Variants in GABRA3 observed in about 807,000 individuals in gnomAD.
GABRA3 encodes gamma-aminobutyric acid receptor subunit alpha-3.
In GABRA3, 10 loss-of-function variants were observed where a neutral mutation model predicts 30.1. The ratio of observed to expected loss-of-function variants is 0.33; its 90% CI spans 0.20 to 0.56. GABRA3 has a LOEUF of 0.56. Ranked by LOEUF, GABRA3 falls within the 20% of genes least tolerant of loss-of-function variation. GABRA3 has a pLI of 0.89. For synonymous variants in GABRA3, 151 were observed against 146.8 expected, an observed-to-expected ratio of 1.03 and a Z score of -0.21; for missense variants, 233 against 392.0, an observed-to-expected ratio of 0.59 and a Z score of 3.42.
At chrX:152,384,072 A>G (rs367867379) in intron 1 of GABRA3, among the ~76,000 whole-genome samples, 24 of 110,865 alleles carry the variant, frequency 2.2e-4, no homozygotes, top group African/African-American at 7.8e-4. Flanking sequence ...GAGCCTTTCT[A>G]CATACTATGA....
chrX:152,301,225 A>G (rs1008461734), intron 3 of GABRA3, among the ~76,000 whole-genome samples: 47 of 112,229 alleles, frequency 4.2e-4, no homozygotes, highest in Middle Eastern at 4.7e-3. Context: ...ACAAGTTTAA[A>G]GAAAACAACC....
chrX:152,318,518 A>G (rs943178365), intron 3 of GABRA3, among the ~76,000 whole-genome samples: 1 of 111,297 alleles, frequency 9.0e-6, no homozygotes, highest in Non-Finnish European at 1.9e-5. Context: ...AGAGGACATA[A>G]CAAAAAAAGA....
intron 4 of GABRA3, among the ~76,000 whole-genome samples, chrX:152,259,674 C>T (rs923959882): frequency 7.2e-5 from 8 of 110,562 alleles, no homozygotes; most frequent in African/African-American, 9.9e-5. Flanking sequence ...GAACGAACCC[C>T]GGCAGGATTT....
intron 7 of GABRA3, among the ~76,000 whole-genome samples, chrX:152,207,710 C>G (rs1000679361): frequency 5.4e-5 from 6 of 111,839 alleles, no homozygotes; most frequent in Non-Finnish European, 9.4e-5. Context: ...TTCTCATACT[C>G]TAGCCCTAAT....
At chrX:152,221,079 T>A (rs1443117273) in intron 6 of GABRA3, among the ~76,000 whole-genome samples, 1 of 111,556 alleles carries the variant, frequency 9.0e-6, no homozygotes, top group Non-Finnish European at 1.9e-5. Flanking sequence ...GATCTTCTAA[T>A]AAAGAAAATT....
At chrX:152,279,472 C>G (rs1446417973) in intron 4 of GABRA3, among the ~76,000 whole-genome samples, 2 of 111,459 alleles carry the variant, frequency 1.8e-5, no homozygotes, top group African/African-American at 6.5e-5. Flanking sequence ...TGGTCTATAT[C>G]TCTGTTTTGG....
chrX:152,282,494 G>A (rs1476050218), intron 4 of GABRA3, among the ~76,000 whole-genome samples: 1 of 112,127 alleles, frequency 8.9e-6, no homozygotes, highest in East Asian at 2.8e-4. Flanking sequence ...CCTTGTGACT[G>A]GATGGACATG....
At chrX:152,314,728 G>T (rs1465403846) in intron 3 of GABRA3, among the ~76,000 whole-genome samples, 1 of 111,985 alleles carries the variant, frequency 8.9e-6, no homozygotes, top group Non-Finnish European at 1.9e-5. Flanking sequence ...CGTCAGAGAG[G>T]CATTCTCTCT....
At position 152,323,405 on chromosome X, in the gene GABRA3, A is replaced by C. The variant is rs73623077; in HGVS notation, c.262+22176T>G. The stretch of plus-strand genomic sequence containing the variant: ...CAATGTTCTATTCCTTGAACGGGAA[A>C]GTTTCCTCTCTGCTATGACCCTGAG... On this transcript the variant is annotated intron_variant, in intron 3 of 9. Coordinates refer to ENST00000370314, the MANE Select transcript of GABRA3 (RefSeq NM_000808.4). Among the ~76,000 whole-genome samples the C allele has an allele frequency of 7.9e-3, 879 of 111,645 alleles. 11 individuals carry two copies. Among genetic ancestry groups the C allele is most frequent in the African/African-American group, 0.028 (844 of 30,689 alleles).
chrX:152,275,928 A>T (rs2049085098), intron 4 of GABRA3, among the ~76,000 whole-genome samples: 2 of 110,049 alleles, frequency 1.8e-5, no homozygotes, highest in South Asian at 7.5e-4. Flanking sequence ...CCTAACTAAA[A>T]CATGTATAAA....
chrX:152,298,948 TA>T (rs1383646546), intron 3 of GABRA3, among the ~76,000 whole-genome samples: 1 of 111,769 alleles, frequency 8.9e-6, no homozygotes, highest in Admixed American at 9.5e-5. Context: ...TTGATTTTGT[TA>T]TGACTTCAAT....
At chrX:152,326,555 T>G (rs1240570058) in intron 3 of GABRA3, among the ~76,000 whole-genome samples, 1 of 111,862 alleles carries the variant, frequency 8.9e-6, no homozygotes, top group African/African-American at 3.3e-5. Flanking sequence ...ATATTCAACA[T>G]TCTTAAAGAA....
chrX:152,301,064 C>G (rs995797206), intron 3 of GABRA3, among the ~76,000 whole-genome samples: 1 of 111,693 alleles, frequency 9.0e-6, no homozygotes, highest in Non-Finnish European at 1.9e-5. Flanking sequence ...AGAATCATGC[C>G]TAGACATATC....
chrX:152,412,855 G>C (rs1167884942), intron 1 of GABRA3, among the ~76,000 whole-genome samples: 2 of 110,832 alleles, frequency 1.8e-5, no homozygotes, highest in Non-Finnish European at 3.8e-5. Flanking sequence ...GTTTAAAAAA[G>C]AATAATAATA....
chrX:152,369,616 T>C (rs1016255105), intron 1 of GABRA3, among the ~76,000 whole-genome samples: 9 of 111,433 alleles, frequency 8.1e-5, no homozygotes, highest in Non-Finnish European at 1.3e-4. Context: ...CATAGTGTTA[T>C]TAAAATATCA....
At chrX:152,442,416 A>T (rs1051381824) in intron 1 of GABRA3, among the ~76,000 whole-genome samples, 8 of 111,243 alleles carry the variant, frequency 7.2e-5, no homozygotes, top group Non-Finnish European at 1.1e-4. Context: ...AATAACTTGT[A>T]AACTATACAT....
chrX:152,185,440 T>C (rs930461977), intron 9 of GABRA3, among the ~76,000 whole-genome samples: 9 of 111,736 alleles, frequency 8.1e-5, no homozygotes, highest in Non-Finnish European at 1.7e-4. Flanking sequence ...TCATTTCTGA[T>C]GTCTAGCTCT....
At chrX:152,261,917 C>CG (rs1490206459) in intron 4 of GABRA3, among the ~76,000 whole-genome samples, 1 of 112,747 alleles carries the variant, frequency 8.9e-6, no homozygotes, top group Non-Finnish European at 1.9e-5. Context: ...TCTGCCCCTG[C>CG]AGCAAACTTT....
At chrX:152,180,943 C>T (rs747916702) in intron 9 of GABRA3, among the ~76,000 whole-genome samples, 94 of 112,194 alleles carry the variant, frequency 8.4e-4, no homozygotes, top group African/African-American at 3.0e-3. Context: ...TAATATAGTT[C>T]TAGAGCATAT....
Sources: gnomAD v4.1 joint callset for allele counts (sites outside exome capture counted in the v4.1 genomes callset) on GRCh38, gnomAD v4.1.1 for gene constraint, MANE v1.5 for transcripts, NCBI Gene and HGNC (gene_info 2026-07-23, HGNC 2026-07-21) for gene names.